The following NRG3 variants were observed in gnomAD, a reference collection of about 807,000 sequenced individuals.
NRG3 encodes pro-neuregulin-3, membrane-bound isoform.
A neutral mutation model predicts 66.9 loss-of-function variants in NRG3; 31 were observed. The ratio of observed to expected loss-of-function variants is 0.46; its 90% CI spans 0.35 to 0.63. NRG3 has a LOEUF of 0.63. Among genes scored for constraint, NRG3 ranks in the 20% least tolerant of loss-of-function variants. The pLI, the probability that NRG3 is intolerant of heterozygous loss-of-function variation, is 0.00. For synonymous variants in NRG3, 393 were observed against 359.4 expected (o/e 1.09, Z -1.06); for missense variants, 910 against 878.9 (o/e 1.04, Z -0.45).
At chr10:82,306,409 T>A (rs1466201214) in intron 1 of NRG3, among the ~76,000 whole-genome samples, 7 of 152,052 alleles carry the variant, frequency 4.6e-5, no homozygotes, top group African/African-American at 2.4e-5. Context: ...ACTTTAAAAG[T>A]CTGGCAGAAT....
intron 1 of NRG3, chr10:81,889,623 A>G (rs1228634450): frequency 1.3e-5 from 2 of 152,322 alleles, no homozygotes; most frequent in East Asian, 1.9e-4. Context: ...TTAAATTAGT[A>G]TTAATAGCCA....
At chr10:82,914,532 G>T (rs1205617664) in intron 4 of NRG3, among the ~76,000 whole-genome samples, 1 of 152,032 alleles carries the variant, frequency 6.6e-6, no homozygotes, top group Non-Finnish European at 1.5e-5. Context: ...CCTTGTTTTT[G>T]TCTTCCCTGT....
chr10:82,574,478 G>T (rs2045922929), intron 2 of NRG3, among the ~76,000 whole-genome samples: 1 of 151,752 alleles, frequency 6.6e-6, no homozygotes, highest in African/African-American at 2.4e-5. Flanking sequence ...GCACAGTAAA[G>T]TGACTGCAGT....
intron 1 of NRG3, among the ~76,000 whole-genome samples, chr10:82,095,300 CA>C (rs11351940): frequency 0.73 from 108,372 of 148,710 alleles, 39,260 homozygotes; most frequent in Admixed American, 0.77. Flanking sequence ...TTGCTTAAGC[CA>C]AAAAAAAAAA....
intron 2 of NRG3, among the ~76,000 whole-genome samples, chr10:82,521,634 C>T (rs1041505098): frequency 3.3e-5 from 5 of 152,138 alleles, no homozygotes; most frequent in Admixed American, 1.3e-4. Flanking sequence ...CCACCGTGCC[C>T]GGCCAGACTG....
At chr10:82,011,150 T>G (rs1008788751) in intron 1 of NRG3, among the ~76,000 whole-genome samples, 2 of 152,148 alleles carry the variant, frequency 1.3e-5, no homozygotes, top group Admixed American at 1.3e-4. Context: ...AGAGTTTTAA[T>G]GGACTCACAG....
At chr10:82,827,962 T>A (rs1389386473) in intron 3 of NRG3, among the ~76,000 whole-genome samples, 1 of 152,002 alleles carries the variant, frequency 6.6e-6, no homozygotes, top group East Asian at 1.9e-4. Context: ...TTTGCATGGG[T>A]TTTTAAAAGA....
chr10:82,205,907 T>G (rs1015668020), intron 1 of NRG3, among the ~76,000 whole-genome samples: 2 of 152,194 alleles, frequency 1.3e-5, no homozygotes, highest in African/African-American at 4.8e-5. Context: ...TTAATCCAAG[T>G]CAGTTCCCAA....
chr10:82,561,644 C>T (rs2045052470), intron 2 of NRG3, among the ~76,000 whole-genome samples: 1 of 152,144 alleles, frequency 6.6e-6, no homozygotes, highest in Non-Finnish European at 1.5e-5. Flanking sequence ...TGTATTTCTT[C>T]CCAACACTCC....
chr10:81,945,249 C>T (rs569801641), intron 1 of NRG3, among the ~76,000 whole-genome samples: 1 of 152,008 alleles, frequency 6.6e-6, no homozygotes, highest in South Asian at 2.1e-4. Context: ...TACTTTTCTT[C>T]TTCCTTATTC....
At chr10:82,742,077 G>A (rs780028598) in intron 3 of NRG3, among the ~76,000 whole-genome samples, 2 of 151,668 alleles carry the variant, frequency 1.3e-5, no homozygotes, top group Non-Finnish European at 2.9e-5. Context: ...TTTCTCTTCT[G>A]TCTCCTCTCT....
intron 1 of NRG3, among the ~76,000 whole-genome samples, chr10:81,882,894 A>C (rs987335836): frequency 3.9e-5 from 6 of 152,196 alleles, no homozygotes; most frequent in Non-Finnish European, 7.3e-5. Flanking sequence ...ACTGGAGGTC[A>C]TCATTTCTCA....
At chr10:82,150,927 C>G (rs1483637760) in intron 1 of NRG3, among the ~76,000 whole-genome samples, 4 of 152,100 alleles carry the variant, frequency 2.6e-5, no homozygotes, top group Non-Finnish European at 5.9e-5. Context: ...TAAAGTAGTT[C>G]TATTTTAGAA....
intron 1 of NRG3, among the ~76,000 whole-genome samples, chr10:82,115,371 T>C (rs957763371): frequency 6.6e-6 from 1 of 152,160 alleles, no homozygotes; most frequent in African/African-American, 2.4e-5. Flanking sequence ...AATTATGTAG[T>C]CAACTATAGA....
At chr10:82,486,573 C>T (rs1842695715) in intron 2 of NRG3, among the ~76,000 whole-genome samples, 2 of 152,100 alleles carry the variant, frequency 1.3e-5, no homozygotes, top group African/African-American at 4.8e-5. Flanking sequence ...TGCCACCCCA[C>T]CTGGCTAATT....
intron 7 of NRG3, among the ~76,000 whole-genome samples, chr10:82,976,823 A>C (rs1852305002): frequency 6.6e-6 from 1 of 151,762 alleles, no homozygotes; most frequent in Non-Finnish European, 1.5e-5. Context: ...GGGGCCATGG[A>C]GCCTGCAGTG....
chr10:82,736,209 A>G (rs182627644), intron 2 of NRG3, among the ~76,000 whole-genome samples: 104 of 152,340 alleles, frequency 6.8e-4, no homozygotes, highest in Non-Finnish European at 1.1e-3. Context: ...TGCTTGACAC[A>G]CTATCAGAAG....
intron 3 of NRG3, among the ~76,000 whole-genome samples, chr10:82,803,394 A>T (rs563624165): frequency 4.6e-5 from 7 of 152,334 alleles, no homozygotes; most frequent in African/African-American, 1.7e-4. Flanking sequence ...AAATCTAGTT[A>T]CCCATCTATC....
chr10:81,886,756 G>A (rs927226883), intron 1 of NRG3, among the ~76,000 whole-genome samples: 4 of 152,006 alleles, frequency 2.6e-5, no homozygotes, highest in Admixed American at 6.6e-5. Flanking sequence ...ATTAAATTTT[G>A]TTGTACTAAT....
Sources: gnomAD v4.1 joint callset for allele counts (sites outside exome capture counted in the v4.1 genomes callset) on GRCh38, gnomAD v4.1.1 for gene constraint, MANE v1.5 for transcripts, NCBI Gene and HGNC (gene_info 2026-07-23, HGNC 2026-07-21) for gene names.